Variants in CLDN4 observed in about 807,000 individuals in gnomAD.
CLDN4 encodes claudin 4.
In CLDN4, 12 loss-of-function variants were observed where a neutral mutation model predicts 13.7. The observed-to-expected ratio is 0.88, with a 90% CI of 0.56 to 1.42. The LOEUF is 1.42. Ranked by LOEUF, CLDN4 falls within the 40% of genes most tolerant of loss-of-function variation. The pLI is 0.00. For synonymous variants in CLDN4, 152 were observed against 140.6 expected (o/e 1.08, Z -0.57); for missense variants, 252 against 297.4 (o/e 0.85, Z 1.12).
Position 73,831,127 on chromosome 7 carries a change from C to A in CLDN4, c.-75C>A, listed in dbSNP as rs201050730. ...CTGCGAACGTTAAGTCCGTCCCCAG[C>A]GCTTGGAATCCTACGGCCCCCACAG... On this transcript the variant is annotated 5_prime_UTR_variant, in exon 1 of 1. Coordinates refer to ENST00000340958, the MANE Select transcript of CLDN4 (RefSeq NM_001305.5). The A allele has an allele frequency of 1.3e-6, 2 of 1,485,434 alleles. No individual in the cohort carries two copies. The highest frequency in any genetic ancestry group is 1.8e-6 in the Non-Finnish European group (2 of 1,116,270). 92.0% of individuals were successfully genotyped at this position (1,485,434 alleles called of 1,614,324 possible).
At position 73,832,249 on chromosome 7, in the gene CLDN4, T is replaced by G; in HGVS notation, c.*418T>G. On this transcript the variant is annotated 3_prime_UTR_variant, in exon 1 of 1. Transcript: ENST00000340958. ...TCCGGGTAGGCCTTGATATCACCTC[T>G]GGGACTGTGCCTTGCTCACCGAAAC... is the stretch of plus-strand genomic sequence containing the variant. The G allele has an allele frequency of 5.2e-6, 1 of 192,794 alleles. No homozygotes were observed. Among genetic ancestry groups the G allele is most frequent in the Non-Finnish European group, 1.2e-5 (1 of 84,830 alleles). The allele number at this position is 192,794 out of a possible 1,614,324, so 11.9% of individuals were successfully genotyped here.
In CLDN4 at chr7:73,831,535, A is replaced by T; in HGVS notation, c.334A>T (p.Ser112Cys). ...GKCTNCLEDE[S>C]AKAKTMIVAG... is the part of the protein sequence containing the mutation. ...GTGTACCAACTGCCTGGAGGATGAA[A>T]GCGCCAAGGCCAAGACCATGATCGT... is the stretch of plus-strand genomic sequence containing the variant. The change falls in exon 1 of 1, where the codon AGC becomes TGC. Residue 112 changes from serine (S) to cysteine (C), a missense_variant. By Grantham distance (112) the Ser-to-Cys change is moderately radical (BLOSUM62 -1). Transcript: ENST00000340958. The T allele has an allele frequency of 6.2e-7, 1 of 1,614,184 alleles. No individual in the cohort carries two copies. Among genetic ancestry groups the T allele is most frequent in the East Asian group, 2.2e-5 (1 of 44,886 alleles).
Position 73,831,783 on chromosome 7 carries a change from C to G in CLDN4, c.582C>G (p.Ser194=). Residue 194 remains serine, a synonymous_variant, in exon 1 of 1, where the codon TCC becomes TCG. Coordinates refer to ENST00000340958, the MANE Select transcript of CLDN4 (RefSeq NM_001305.5). ...CACCCCGCACAGACAAGCCTTACTCCGCCAAGTATTCTGCTGCCCGCTCTG... is the reference window on the plus strand; with the variant it reads ...CACCCCGCACAGACAAGCCTTACTCGGCCAAGTATTCTGCTGCCCGCTCTG... ...NCPPRTDKPY[S]AKYSAARSAA... 2 of 1,592,490 alleles carry G rather than the reference C, an allele frequency of 1.3e-6. No homozygotes were observed. Among genetic ancestry groups the G allele is most frequent in the Non-Finnish European group, 1.7e-6 (2 of 1,166,734 alleles).
rs891787754 is a variant in CLDN4, at chr7:73,832,033, T to A, written c.*202T>A. 2 of 602,340 alleles carry A rather than the reference T, an allele frequency of 3.3e-6. No homozygotes were observed. Among genetic ancestry groups the A allele is most frequent in the Admixed American group, 6.7e-5 (2 of 29,696 alleles). The allele number at this position is 602,340 out of a possible 1,614,324, so 37.3% of individuals were successfully genotyped here. A position where few individuals can be genotyped will look rare whatever the true frequency, so the allele number is the denominator to read the frequency against. On this transcript the variant is annotated 3_prime_UTR_variant, in exon 1 of 1. Coordinates refer to ENST00000340958, the MANE Select transcript of CLDN4 (RefSeq NM_001305.5). ...ACAACTTCCCAAGGCCGCCTCCTGC[T>A]AGCAAGAACAGAGTCCACCCTCCTC... is the stretch of plus-strand genomic sequence containing the variant.
At position 73,831,839 on chromosome 7, in the gene CLDN4, C is replaced by T. The variant is rs373626567; in HGVS notation, c.*8C>T. On this transcript the variant is annotated 3_prime_UTR_variant, in exon 1 of 1. Coordinates refer to ENST00000340958, the MANE Select transcript of CLDN4 (RefSeq NM_001305.5). ...GCCAGCAACTACGTGTAAGGTGCCACGGCTCCACTCTGTTCCTCTCTGCTT... is the reference window on the plus strand; with the variant it reads ...GCCAGCAACTACGTGTAAGGTGCCATGGCTCCACTCTGTTCCTCTCTGCTT... 40 of 1,557,570 alleles carry T rather than the reference C, an allele frequency of 2.6e-5. No individual in the cohort carries two copies. Among genetic ancestry groups the T allele is most frequent in the African/African-American group, 6.8e-5 (5 of 73,846 alleles).
rs368820080 is a variant in CLDN4, at chr7:73,831,646, A to G, written c.445A>G (p.Asn149Asp). Residue 149 changes from asparagine to aspartate, a missense_variant, in exon 1 of 1, where the codon AAT becomes GAT. Asn to Asp is a conservative substitution (Grantham distance 23, BLOSUM62 1). Transcript: ENST00000340958. ...TAHNIIQDFY[N>D]PLVASGQKRE... ...CCACAACATCATCCAAGACTTCTACAATCCGCTGGTGGCCTCCGGGCAGAA... is the reference window on the plus strand; with the variant it reads ...CCACAACATCATCCAAGACTTCTACGATCCGCTGGTGGCCTCCGGGCAGAA... 2 of 1,613,990 alleles carry G rather than the reference A, an allele frequency of 1.2e-6. No homozygotes were observed. Among genetic ancestry groups the G allele is most frequent in the African/African-American group, 2.7e-5 (2 of 74,936 alleles).
Position 73,831,137 on chromosome 7 carries a change from C to G in CLDN4, c.-65C>G. Reference sequence around the variant, plus strand: ...TAAGTCCGTCCCCAGCGCTTGGAATCCTACGGCCCCCACAGCCGGATCCCC... The same window carrying G: ...TAAGTCCGTCCCCAGCGCTTGGAATGCTACGGCCCCCACAGCCGGATCCCC... On this transcript the variant is annotated 5_prime_UTR_variant, in exon 1 of 1. It adds an upstream start codon to the 5' untranslated region. Transcript: ENST00000340958. 1 of 1,501,016 alleles carries G rather than the reference C, an allele frequency of 6.7e-7. No individual in the cohort carries two copies. Among genetic ancestry groups the G allele is most frequent in the South Asian group, 1.3e-5 (1 of 75,562 alleles). 93.0% of individuals were successfully genotyped at this position (1,501,016 alleles called of 1,614,324 possible). A position where few individuals can be genotyped will look rare whatever the true frequency, so the allele number is the denominator to read the frequency against.
rs1788043604 is a variant in CLDN4 at position 73,832,001 on chromosome 7, C to T, written c.*170C>T. ...GCAGCAGCCTTCAGCCTCTCTGGCC[C>T]ACTCGGACAACTTCCCAAGGCCGCC... On this transcript the variant is annotated 3_prime_UTR_variant, in exon 1 of 1. Coordinates refer to ENST00000340958, the MANE Select transcript of CLDN4 (RefSeq NM_001305.5). 1 of 871,650 alleles carries T rather than the reference C, an allele frequency of 1.1e-6. No individual in the cohort carries two copies. The highest frequency in any genetic ancestry group is 1.7e-5 in the African/African-American group (1 of 59,420). The allele number at this position is 871,650 out of a possible 1,614,324, so 54.0% of individuals were successfully genotyped here. A position where few individuals can be genotyped will look rare whatever the true frequency, so the allele number is the denominator to read the frequency against.
Position 73,831,432 on chromosome 7 carries a change from G to C in CLDN4, c.231G>C (p.Leu77=). 6.2e-7 allele frequency: 1 copy of C among 1,614,174 alleles called. No homozygotes were observed. The highest frequency in any genetic ancestry group is 8.5e-7 in the Non-Finnish European group (1 of 1,180,032). ...YDSLLALPQD[L]QAARALVIIS... ...CGCTGCTGGCACTGCCGCAGGACCT[G>C]CAGGCGGCCCGCGCCCTCGTCATCA... Residue 77 remains leucine, a synonymous_variant, in exon 1 of 1, where the codon CTG becomes CTC. Transcript: ENST00000340958.
At position 73,832,455 on chromosome 7, in the gene CLDN4, A is replaced by C. The variant is rs936134089; in HGVS notation, c.*624A>C. ...CTGTGGCCTCAGGACTCTCTGCCTC[A>C]CCCGCTTCAGCCCAGGGCCCCTGGA... On this transcript the variant is annotated 3_prime_UTR_variant, in exon 1 of 1. Coordinates refer to ENST00000340958, the MANE Select transcript of CLDN4 (RefSeq NM_001305.5). The C allele has an allele frequency of 1.2e-5, 2 of 167,232 alleles. No homozygotes were observed. The highest frequency in any genetic ancestry group is 2.9e-5 in the Non-Finnish European group (2 of 68,486). 10.4% of individuals were successfully genotyped at this position (167,232 alleles called of 1,614,324 possible).
Position 73,831,989 on chromosome 7 carries a change from G to A in CLDN4, c.*158G>A. On this transcript the variant is annotated 3_prime_UTR_variant, in exon 1 of 1. Coordinates refer to ENST00000340958, the MANE Select transcript of CLDN4 (RefSeq NM_001305.5). The stretch of plus-strand genomic sequence containing the variant: ...CCAGGCAGGAAGGCAGCAGCCTTCA[G>A]CCTCTCTGGCCCACTCGGACAACTT... 2 of 980,236 alleles carry A rather than the reference G, an allele frequency of 2.0e-6. No individual in the cohort carries two copies. The highest frequency in any genetic ancestry group is 3.0e-6 in the Non-Finnish European group (2 of 667,906). The allele number at this position is 980,236 out of a possible 1,614,324, so 60.7% of individuals were successfully genotyped here. A position where few individuals can be genotyped will look rare whatever the true frequency, so the allele number is the denominator to read the frequency against.
At position 73,832,243 on chromosome 7, in the gene CLDN4, C is replaced by A; in HGVS notation, c.*412C>A. 4.9e-6 allele frequency: 1 copy of A among 205,458 alleles called. No homozygotes were observed. Among genetic ancestry groups the A allele is most frequent in the Non-Finnish European group, 1.1e-5 (1 of 92,800 alleles). The allele number at this position is 205,458 out of a possible 1,614,324, so 12.7% of individuals were successfully genotyped here. A position where few individuals can be genotyped will look rare whatever the true frequency, so the allele number is the denominator to read the frequency against. Reference sequence around the variant, plus strand: ...CTCTGTTCCGGGTAGGCCTTGATATCACCTCTGGGACTGTGCCTTGCTCAC... The same window carrying A: ...CTCTGTTCCGGGTAGGCCTTGATATAACCTCTGGGACTGTGCCTTGCTCAC... On this transcript the variant is annotated 3_prime_UTR_variant, in exon 1 of 1. Coordinates refer to ENST00000340958, the MANE Select transcript of CLDN4 (RefSeq NM_001305.5).
Position 73,831,795 on chromosome 7 carries a change from T to C in CLDN4, c.594T>C (p.Ser198=). ...RTDKPYSAKY[S]AARSAAASNY... ...ACAAGCCTTACTCCGCCAAGTATTCTGCTGCCCGCTCTGCTGCTGCCAGCA... is the reference window on the plus strand; with the variant it reads ...ACAAGCCTTACTCCGCCAAGTATTCCGCTGCCCGCTCTGCTGCTGCCAGCA... The change falls in exon 1 of 1, where the codon TCT becomes TCC. Residue 198 remains serine, a synonymous_variant. Transcript: ENST00000340958. The C allele has an allele frequency of 6.3e-7, 1 of 1,582,250 alleles. No individual in the cohort carries two copies. The highest frequency in any genetic ancestry group is 8.6e-7 in the Non-Finnish European group (1 of 1,161,640).
Position 73,831,621 on chromosome 7 carries a change from C to T in CLDN4, c.420C>T (p.Ala140=), listed in dbSNP as rs148026351. Residue 140 remains alanine, a synonymous_variant, in exon 1 of 1, where the codon GCC becomes GCT. Coordinates refer to ENST00000340958, the MANE Select transcript of CLDN4 (RefSeq NM_001305.5). ...TGATAGTGCCGGTGTCCTGGACGGC[C>T]CACAACATCATCCAAGACTTCTACA... ...LMVIVPVSWT[A]HNIIQDFYNP... 20 of 1,614,002 alleles carry T rather than the reference C, an allele frequency of 1.2e-5. No homozygotes were observed. In the African/African-American group the frequency reaches 2.5e-4, roughly 20 times the overall value.
At position 73,831,551 on chromosome 7, in the gene CLDN4, C is replaced by T; in HGVS notation, c.350C>T (p.Thr117Ile). The T allele has an allele frequency of 6.2e-7, 1 of 1,614,218 alleles. No individual in the cohort carries two copies. The highest frequency in any genetic ancestry group is 8.5e-7 in the Non-Finnish European group (1 of 1,180,030). ...CLEDESAKAK[T>I]MIVAGVVFLL... ...GAGGATGAAAGCGCCAAGGCCAAGA[C>T]CATGATCGTGGCGGGCGTGGTGTTC... The change falls in exon 1 of 1, where the codon ACC (threonine) becomes ATC (isoleucine). Residue 117 changes from threonine to isoleucine, a missense_variant. Transcript: ENST00000340958.
At position 73,831,500 on chromosome 7, in the gene CLDN4, T is replaced by TGGG; in HGVS notation, c.303_305dup (p.Gly102dup). 3.1e-6 allele frequency: 5 copies of TGGG among 1,614,050 alleles called. No individual in the cohort carries two copies. The highest frequency in any genetic ancestry group is 4.2e-6 in the Non-Finnish European group (5 of 1,180,000). ...GCTCTGGGCGTGCTGCTGTCCGTGG[T>TGGG]GGGGGGCAAGTGTACCAACTGCCTG... On this transcript the variant is annotated inframe_insertion, in exon 1 of 1. Coordinates refer to ENST00000340958, the MANE Select transcript of CLDN4 (RefSeq NM_001305.5).
Position 73,831,378 on chromosome 7 carries a change from C to T in CLDN4, c.177C>T (p.Thr59=), listed in dbSNP as rs368020684. ...GLWMNCVVQS[T]GQMQCKVYDS... ...GGATGAACTGCGTGGTGCAGAGCAC[C>T]GGCCAGATGCAGTGCAAGGTGTACG... The change falls in exon 1 of 1, where the codon ACC becomes ACT. Residue 59 remains threonine, a synonymous_variant. Transcript: ENST00000340958. The T allele has an allele frequency of 1.4e-5, 23 of 1,613,942 alleles. No homozygotes were observed. Among genetic ancestry groups the T allele is most frequent in the African/African-American group, 4.0e-5 (3 of 74,946 alleles).
Position 73,831,036 on chromosome 7 carries a change from C to A in CLDN4, c.-166C>A. The A allele has an allele frequency of 1.2e-6, 1 of 806,448 alleles. No homozygotes were observed. The highest frequency in any genetic ancestry group is 1.9e-6 in the Non-Finnish European group (1 of 522,220). The allele number at this position is 806,448 out of a possible 1,614,324, so 50.0% of individuals were successfully genotyped here. On this transcript the variant is annotated 5_prime_UTR_variant, in exon 1 of 1. Transcript: ENST00000340958. ...CTGTCGGCTGGAAGGAACTGGTCTGCTCACACTTGCTGGCTTGCGCATCAG... is the reference window on the plus strand; with the variant it reads ...CTGTCGGCTGGAAGGAACTGGTCTGATCACACTTGCTGGCTTGCGCATCAG...
Position 73,831,443 on chromosome 7 carries a change from G to A in CLDN4, c.242G>A (p.Arg81His), listed in dbSNP as rs782800833. ...CTGCCGCAGGACCTGCAGGCGGCCC[G>A]CGCCCTCGTCATCATCAGCATCATC... is the stretch of plus-strand genomic sequence containing the variant. ...LALPQDLQAA[R>H]ALVIISIIVA... Residue 81 changes from arginine to histidine, a missense_variant, in exon 1 of 1, where the codon CGC (arginine) becomes CAC (histidine). Coordinates refer to ENST00000340958, the MANE Select transcript of CLDN4 (RefSeq NM_001305.5). The A allele has an allele frequency of 2.5e-6, 4 of 1,614,038 alleles. No individual in the cohort carries two copies. The highest frequency in any genetic ancestry group is 1.3e-5 in the African/African-American group (1 of 74,948).
Sources: allele counts gnomAD v4.1 joint callset, GRCh38; gene constraint gnomAD v4.1.1; transcripts MANE v1.5; gene names NCBI Gene and HGNC (gene_info 2026-07-23, HGNC 2026-07-21).